Variants in RRM2 observed in about 807,000 individuals in gnomAD.
RRM2 encodes the protein ribonucleoside-diphosphate reductase subunit M2.
RRM2 carries 6 observed loss-of-function variants against 45.9 expected under a neutral mutation model. The observed-to-expected ratio is 0.13, with a 90% confidence interval of 0.07 to 0.26. RRM2 has a LOEUF of 0.26. RRM2 is among the 10% of genes least tolerant of loss of function. RRM2 has a pLI of 1.00. For missense variants in RRM2, 343 were observed against 489.5 expected (o/e 0.70, Z 2.82); for synonymous variants, 177 against 173.0 (o/e 1.02, Z -0.18).
rs72786701 is a variant in RRM2 at position 10,169,312 on chromosome 2, C to T, written n.482+26937C>T. On this transcript the variant is annotated intron_variant and non_coding_transcript_variant, in intron 3 of 3. Coordinates refer to the RRM2 transcript ENST00000381786. The surrounding 1 kb of genome is among the most constrained non-coding windows in gnomAD (Gnocchi z 5.1). Reference sequence around the variant, plus strand: ...TGTAAGTTCCCAAGTTGAAGCACCCCCTTCAGGTGTAGTTTTAGACGTGCA... The same window carrying T: ...TGTAAGTTCCCAAGTTGAAGCACCCTCTTCAGGTGTAGTTTTAGACGTGCA... Among the ~76,000 whole-genome samples, 37,076 of 151,940 alleles carry T rather than the reference C, an allele frequency of 0.24. 5,532 individuals carry two copies. The highest frequency in any genetic ancestry group is 0.34 in the Non-Finnish European group (22,821 of 67,940).
chr2:10,147,580 A>G (rs1663215198), intron 3 of RRM2, among the ~76,000 whole-genome samples: 1 of 152,204 alleles, frequency 6.6e-6, no homozygotes, highest in Admixed American at 6.5e-5. Flanking sequence ...AAGTTTCTCA[A>G]ACTCCTGGGC....
intron 3 of RRM2, among the ~76,000 whole-genome samples, chr2:10,206,362 G>T (rs1269096229): frequency 6.6e-6 from 1 of 151,886 alleles, no homozygotes. Flanking sequence ...ACTTGAATAA[G>T]ATTTTTCATA....
Position 10,129,421 on chromosome 2 carries a change from T to A in RRM2, c.*35T>A, listed in dbSNP as rs5030757. ...AGATGTGCCCTTACTTGGCTGATTT[T>A]TTTTTTCCATCTCATAAGAAAAATC... is the stretch of plus-strand genomic sequence containing the variant. On this transcript the variant is annotated 3_prime_UTR_variant, in exon 10 of 10. Transcript: ENST00000304567. This position sits in a 1 kb window ranked among gnomAD's most constrained non-coding sequence, Gnocchi z 4.8. 943 of 1,572,284 alleles carry A rather than the reference T, an allele frequency of 6.0e-4. 4 individuals are homozygous for A. In the African/African-American group the frequency reaches 0.011, roughly 19 times the overall value.
chr2:10,193,785 C>T (rs1208551191), intron 3 of RRM2, among the ~76,000 whole-genome samples: 4 of 152,208 alleles, frequency 2.6e-5, no homozygotes, highest in Non-Finnish European at 5.9e-5. Context: ...AGCCACAGAG[C>T]AACCCCTCTT....
chr2:10,203,039 C>G (rs993337264), intron 3 of RRM2, among the ~76,000 whole-genome samples: 4 of 152,202 alleles, frequency 2.6e-5, no homozygotes, highest in African/African-American at 9.7e-5. Context: ...GGCCAAAAGG[C>G]CAGCGAGGGA....
intron 3 of RRM2, among the ~76,000 whole-genome samples, chr2:10,177,603 T>A (rs1226848887): frequency 1.3e-5 from 2 of 152,172 alleles, no homozygotes; most frequent in Non-Finnish European, 2.9e-5. Context: ...CTGCACATAT[T>A]TGTGGGTCCA....
rs1325539095 is a variant in RRM2, at chr2:10,169,284, CTT to C, written n.482+26911_482+26912del. The stretch of plus-strand genomic sequence containing the variant: ...TGCGCCACTGTGCCCAGCTGCTTCT[CTT>C]TGTAAGTTCCCAAGTTGAAGCACCC... On this transcript the variant is annotated intron_variant and non_coding_transcript_variant, in intron 3 of 3. Coordinates refer to the RRM2 transcript ENST00000381786. The surrounding 1 kb of genome is among the most constrained non-coding windows in gnomAD (Gnocchi z 5.1). 6.6e-6 allele frequency among the ~76,000 whole-genome samples: 1 copy of C among 151,990 alleles called. No homozygotes were observed. The highest frequency in any genetic ancestry group is 1.9e-4 in the East Asian group (1 of 5,194).
downstream of RRM2, among the ~76,000 whole-genome samples, chr2:10,133,703 ATTTTTTTT>A (rs33987822): frequency 1.5e-5 from 2 of 133,248 alleles, no homozygotes; most frequent in Admixed American, 7.6e-5. Flanking sequence ...TGACATCAGG[ATTTTTTTT>A]TTTTTTTTTT....
At chr2:10,182,003 C>A (rs1664069809) in intron 3 of RRM2, among the ~76,000 whole-genome samples, 1 of 152,008 alleles carries the variant, frequency 6.6e-6, no homozygotes, top group Non-Finnish European at 1.5e-5. Flanking sequence ...TAGGTTCAAG[C>A]AATCCTCATT....
intron 3 of RRM2, among the ~76,000 whole-genome samples, chr2:10,164,070 G>A (rs1310193521): frequency 6.6e-6 from 1 of 152,006 alleles, no homozygotes; most frequent in East Asian, 1.9e-4. Context: ...GAGTGAACGT[G>A]TGTGTGAGTG....
intron 3 of RRM2, among the ~76,000 whole-genome samples, chr2:10,209,600 T>C (rs1037725048): frequency 4.5e-5 from 5 of 110,898 alleles, no homozygotes; most frequent in Admixed American, 2.2e-4. Context: ...TGCGCGCGCG[T>C]GTGTGTGCGT....
In RRM2 at chr2:10,150,771, GTT is replaced by G. The variant is rs61292654; in HGVS notation, n.482+8414_482+8415del. Among the ~76,000 whole-genome samples, 125 of 92,844 alleles carry G rather than the reference GTT, an allele frequency of 1.3e-3. 1 individual carries two copies. Among genetic ancestry groups the G allele is most frequent in the African/African-American group, 4.5e-3 (112 of 24,688 alleles). 60.9% of individuals were successfully genotyped at this position (92,844 alleles called of 152,430 possible). On this transcript the variant is annotated intron_variant and non_coding_transcript_variant, in intron 3 of 3. Transcript: ENST00000381786. ...TAAATAGAATCCTACAGTGTGTTGT[GTT>G]TTTTTTTTTTTTTTTTTGATGTGGT...
chr2:10,210,199 GCCCTTGGCCATGTTCCGGCT>G (rs1429734781), intron 3 of RRM2: 1 of 577,178 alleles, frequency 1.7e-6, no homozygotes, highest in African/African-American at 1.9e-5. Context: ...GCAGGAACCA[GCCCTTGGCCATGTTCCGGCT>G]CCCTAGTGCC....
intron 3 of RRM2, among the ~76,000 whole-genome samples, chr2:10,206,630 C>T (rs1252318035): frequency 2.6e-5 from 4 of 152,158 alleles, no homozygotes; most frequent in Non-Finnish European, 2.9e-5. Flanking sequence ...ATGTGATAGT[C>T]AAAGGCAGGC....
Position 10,146,448 on chromosome 2 carries a change from G to A in RRM2, n.482+4073G>A, listed in dbSNP as rs930754198. Among the ~76,000 whole-genome samples, 5 of 152,230 alleles carry A rather than the reference G, an allele frequency of 3.3e-5. No homozygotes were observed. The South Asian group carries it at 1.0e-3, about 31-fold the overall frequency. On this transcript the variant is annotated intron_variant and non_coding_transcript_variant, in intron 3 of 3. Coordinates refer to the RRM2 transcript ENST00000381786. Reference sequence around the variant, plus strand: ...TAGGGTGGGGCGCCTCTGCTCTGCGGAATAGGGAAGGGGTGTAAGTGGCCC... The same window carrying A: ...TAGGGTGGGGCGCCTCTGCTCTGCGAAATAGGGAAGGGGTGTAAGTGGCCC...
chr2:10,197,579 G>A (rs2125331387), intron 3 of RRM2, among the ~76,000 whole-genome samples: 1 of 152,232 alleles, frequency 6.6e-6, no homozygotes, highest in East Asian at 1.9e-4. Flanking sequence ...CATACCTGCG[G>A]GGCGGGCACA....
intron 3 of RRM2, among the ~76,000 whole-genome samples, chr2:10,164,080 G>T (rs936097175): frequency 6.6e-6 from 1 of 151,914 alleles, no homozygotes; most frequent in Non-Finnish European, 1.5e-5. Context: ...GTGTGTGAGT[G>T]TGCATATGAG....
chr2:10,175,763 A>AT (rs59804995), intron 3 of RRM2, among the ~76,000 whole-genome samples: 39,039 of 149,646 alleles, frequency 0.26, 6,020 homozygotes, highest in Non-Finnish European at 0.36. Flanking sequence ...CGCTCAGCTA[A>AT]TTTTTTTTTT....
In RRM2 at chr2:10,175,590, T is replaced by TA. The variant is rs201782273; in HGVS notation, n.482+33224dup. On this transcript the variant is annotated intron_variant and non_coding_transcript_variant, in intron 3 of 3. Transcript: ENST00000381786. Reference sequence around the variant, plus strand: ...CATCCTACCTTCTGTTCATATGAATTAAAAAAAAATTTTATTTTAGTTTTT... The same window carrying TA: ...CATCCTACCTTCTGTTCATATGAATTAAAAAAAAAATTTTATTTTAGTTTTT... Among the ~76,000 whole-genome samples the TA allele has an allele frequency of 1.3e-4, 20 of 151,944 alleles. 1 individual carries two copies. In the South Asian group the frequency reaches 2.3e-3, roughly 17 times the overall value.
Sources: allele counts gnomAD v4.1 joint callset (sites outside exome capture counted in the v4.1 genomes callset), GRCh38; gene constraint gnomAD v4.1.1; non-coding constraint Gnocchi (gnomAD v3.1); transcripts MANE v1.5; gene names NCBI Gene and HGNC (gene_info 2026-07-23, HGNC 2026-07-21).